Variants in FLRT2 observed in about 807,000 individuals in gnomAD.
The protein encoded by FLRT2 is fibronectin leucine rich transmembrane protein 2.
A neutral mutation model predicts 40.0 loss-of-function variants in FLRT2; 15 were observed. That is an observed-to-expected ratio of 0.38 (90% CI 0.25 to 0.58). FLRT2 has a LOEUF of 0.58. Among genes scored for constraint, FLRT2 ranks in the 20% least tolerant of loss-of-function variants. The pLI is 0.71. For missense variants in FLRT2, 726 were observed against 840.0 expected, an observed-to-expected ratio of 0.86 and a Z score of 1.68; for synonymous variants, 380 against 336.8, an observed-to-expected ratio of 1.13 and a Z score of -1.41.
chr14:85,652,597 A>T lies in FLRT2; in HGVS notation c.*29100A>T, dbSNP rs1457412201. 6.6e-6 allele frequency: 1 copy of T among 152,154 alleles called. No individual in the cohort carries two copies. Among genetic ancestry groups the T allele is most frequent in the Admixed American group, 6.6e-5 (1 of 15,264 alleles). The allele number at this position is 152,154 out of a possible 1,614,324, so 9.4% of individuals were successfully genotyped here. A position where few individuals can be genotyped will look rare whatever the true frequency, so the allele number is the denominator to read the frequency against. ...TACAACTTTAAATAAATTTAAGATG[A>T]CATTATGACTTATTAGGCCACAGTT... On this transcript the variant is annotated 3_prime_UTR_variant, in exon 2 of 2. Transcript: ENST00000330753.
intron 1 of FLRT2, among the ~76,000 whole-genome samples, chr14:85,587,357 C>T (rs2074199244): frequency 6.6e-6 from 1 of 151,370 alleles, no homozygotes; most frequent in Admixed American, 6.6e-5. Flanking sequence ...ACAGCAAACA[C>T]CAGTGTGCCA....
chr14:85,547,383 C>T (rs1009413645), intron 1 of FLRT2, among the ~76,000 whole-genome samples: 12 of 149,138 alleles, frequency 8.0e-5, no homozygotes, highest in Non-Finnish European at 1.2e-4. Context: ...AGTGCAGTAG[C>T]GTGATCTTGG....
intron 1 of FLRT2, among the ~76,000 whole-genome samples, chr14:85,558,984 A>C (rs1890145164): frequency 6.6e-6 from 1 of 152,230 alleles, no homozygotes; most frequent in Admixed American, 6.5e-5. Context: ...TGTTCTAATC[A>C]AATAAACTTG....
At chr14:85,602,405 A>T (rs1236581648) in intron 1 of FLRT2, among the ~76,000 whole-genome samples, 2 of 152,154 alleles carry the variant, frequency 1.3e-5, no homozygotes, top group East Asian at 3.9e-4. Context: ...CCAGCTTCTC[A>T]ATTGGAAGGC....
intron 1 of FLRT2, among the ~76,000 whole-genome samples, chr14:85,555,096 A>G (rs1417792487): frequency 6.6e-6 from 1 of 152,234 alleles, no homozygotes; most frequent in Non-Finnish European, 1.5e-5. Flanking sequence ...TTTTAAAGAA[A>G]GAGCTAAAAT....
chr14:85,583,558 A>G (rs757583739), intron 1 of FLRT2, among the ~76,000 whole-genome samples: 2 of 152,226 alleles, frequency 1.3e-5, no homozygotes, highest in Non-Finnish European at 2.9e-5. Flanking sequence ...AGAATTAAGC[A>G]GTAGATGCTG....
Position 85,621,397 on chromosome 14 carries a change from C to T in FLRT2, c.-118C>T. The T allele has an allele frequency of 1.1e-6, 1 of 905,272 alleles. No individual in the cohort carries two copies. Among genetic ancestry groups the T allele is most frequent in the South Asian group, 1.8e-5 (1 of 56,004 alleles). The allele number at this position is 905,272 out of a possible 1,614,324, so 56.1% of individuals were successfully genotyped here. A position where few individuals can be genotyped will look rare whatever the true frequency, so the allele number is the denominator to read the frequency against. ...TTACCATACGCCCTCAGGACGTTCC[C>T]TCTAGCTGGAGTTCTGGACTTCAAC... On this transcript the variant is annotated 5_prime_UTR_variant, in exon 2 of 2. Transcript: ENST00000330753.
Position 85,627,523 on chromosome 14 carries a change from G to A in FLRT2, c.*4026G>A, listed in dbSNP as rs1208046197. 1.8e-5 allele frequency: 3 copies of A among 166,900 alleles called. No individual in the cohort carries two copies. The highest frequency in any genetic ancestry group is 7.3e-5 in the African/African-American group (3 of 41,378). The allele number at this position is 166,900 out of a possible 1,614,324, so 10.3% of individuals were successfully genotyped here. On this transcript the variant is annotated 3_prime_UTR_variant, in exon 2 of 2. Transcript: ENST00000330753. ...TGCACACCCACCAGAAGAGCACAAA[G>A]CAAGGCCATTGCAACAGGCATTTAA...
At chr14:85,577,164 A>C (rs1477653727) in intron 1 of FLRT2, among the ~76,000 whole-genome samples, 1 of 152,210 alleles carries the variant, frequency 6.6e-6, no homozygotes. Context: ...GGGGAACCCT[A>C]TTTAAATACT....
rs1245086146 is a variant in FLRT2, at chr14:85,642,245, A to G, written c.*18748A>G. On this transcript the variant is annotated 3_prime_UTR_variant, in exon 2 of 2. Transcript: ENST00000330753. ...CCCTCATCAGGTCTTCTCTGTGAAA[A>G]TTAGGGCATTGAGTGAGAAATATCA... 2.0e-5 allele frequency: 3 copies of G among 152,140 alleles called. No homozygotes were observed. The highest frequency in any genetic ancestry group is 4.4e-5 in the Non-Finnish European group (3 of 68,036). 9.4% of individuals were successfully genotyped at this position (152,140 alleles called of 1,614,324 possible).
chr14:85,608,738 T>C lies in FLRT2; in HGVS notation c.-376-12401T>C, dbSNP rs556204664. ...GCAATGTTTCTATTTATTCAGGAAG[T>C]ATGCACGACCCTTCTCTTCTTGGAG... On this transcript the variant is annotated intron_variant, in intron 1 of 1. Coordinates refer to ENST00000330753, the MANE Select transcript of FLRT2 (RefSeq NM_013231.6). Among the ~76,000 whole-genome samples the C allele has an allele frequency of 3.3e-5, 5 of 152,318 alleles. No homozygotes were observed. In the South Asian group the frequency reaches 1.0e-3, roughly 32 times the overall value.
intron 1 of FLRT2, among the ~76,000 whole-genome samples, chr14:85,551,278 T>C (rs1270517391): frequency 6.6e-6 from 1 of 152,156 alleles, no homozygotes; most frequent in Admixed American, 6.5e-5. Context: ...GTGATTGGTA[T>C]CTGTGCAAGG....
intron 1 of FLRT2, among the ~76,000 whole-genome samples, chr14:85,534,650 T>C (rs1888530741): frequency 6.6e-6 from 1 of 151,522 alleles, no homozygotes; most frequent in Non-Finnish European, 1.5e-5. Flanking sequence ...TTAGTGGTGT[T>C]GCAGAGAGGC....
intron 1 of FLRT2, among the ~76,000 whole-genome samples, chr14:85,548,406 G>A (rs1469884379): frequency 6.6e-6 from 1 of 152,152 alleles, no homozygotes; most frequent in Non-Finnish European, 1.5e-5. Flanking sequence ...TATTCCAAAT[G>A]CATCATAAGT....
At chr14:85,604,136 G>A (rs983079494) in intron 1 of FLRT2, among the ~76,000 whole-genome samples, 5 of 151,960 alleles carry the variant, frequency 3.3e-5, no homozygotes, top group Non-Finnish European at 7.4e-5. Flanking sequence ...TATCTTGAGG[G>A]TGGGATGGGT....
At chr14:85,610,144 C>T (rs1892796142) in intron 1 of FLRT2, among the ~76,000 whole-genome samples, 1 of 152,016 alleles carries the variant, frequency 6.6e-6, no homozygotes. Context: ...TCATCAAAGA[C>T]CTTGTTTAGT....
chr14:85,606,068 T>A (rs1892597631), intron 1 of FLRT2, among the ~76,000 whole-genome samples: 1 of 152,220 alleles, frequency 6.6e-6, no homozygotes, highest in Non-Finnish European at 1.5e-5. Context: ...TTTCACACCA[T>A]GAGTAACTCC....
intron 1 of FLRT2, among the ~76,000 whole-genome samples, chr14:85,536,314 A>G (rs764255511): frequency 1.3e-5 from 2 of 149,340 alleles, no homozygotes; most frequent in Non-Finnish European, 2.9e-5. Flanking sequence ...CAGTGTGAAC[A>G]TCTGATCTAG....
chr14:85,584,781 G>A (rs1370853062), intron 1 of FLRT2, among the ~76,000 whole-genome samples: 3 of 152,150 alleles, frequency 2.0e-5, no homozygotes, highest in Admixed American at 6.5e-5. Context: ...CTGCACATCT[G>A]CGAGAATACT....
Sources: gnomAD v4.1 joint callset for allele counts (sites outside exome capture counted in the v4.1 genomes callset) on GRCh38, gnomAD v4.1.1 for gene constraint, MANE v1.5 for transcripts, NCBI Gene and HGNC (gene_info 2026-07-23, HGNC 2026-07-21) for gene names.